The following CNTNAP2 variants were observed in gnomAD, a reference collection of about 807,000 sequenced individuals.
The protein encoded by CNTNAP2 is contactin associated protein 2, also known as contactin-associated protein-like 2.
Under a neutral mutation model 155.2 loss-of-function variants are expected in CNTNAP2, and 98 were observed. The observed-to-expected ratio is 0.63, with a 90% CI of 0.54 to 0.75. The LOEUF is 0.75. Among genes scored for constraint, CNTNAP2 ranks in the 30% least tolerant of loss-of-function variants. The probability of loss-of-function intolerance (pLI) is 0.00; values close to 1 mark genes in which losing one functional copy is unlikely to be tolerated. For missense variants in CNTNAP2, 1,727 were observed against 1,688.1 expected (o/e 1.02, Z -0.40); for synonymous variants, 651 against 631.2 (o/e 1.03, Z -0.47).
intron 21 of CNTNAP2, among the ~76,000 whole-genome samples, chr7:148,335,250 C>T (rs1309087197): frequency 6.6e-6 from 1 of 152,176 alleles, no homozygotes; most frequent in Non-Finnish European, 1.5e-5. Flanking sequence ...GGTCTCCTCT[C>T]TAATACCTCA....
intron 14 of CNTNAP2, among the ~76,000 whole-genome samples, chr7:147,910,722 A>G (rs1017053375): frequency 2.2e-4 from 33 of 152,130 alleles, no homozygotes; most frequent in African/African-American, 7.7e-4. Flanking sequence ...TTATAAAACC[A>G]TCAGATCTCA....
chr7:147,955,449 T>C (rs374278897), intron 14 of CNTNAP2, among the ~76,000 whole-genome samples: 13 of 152,280 alleles, frequency 8.5e-5, no homozygotes, highest in East Asian at 1.9e-4. Flanking sequence ...GTTGTTCCAT[T>C]ACACACCCAT....
chr7:146,694,784 A>G (rs908000296), intron 1 of CNTNAP2, among the ~76,000 whole-genome samples: 13 of 152,014 alleles, frequency 8.6e-5, no homozygotes, highest in Non-Finnish European at 4.4e-5. Flanking sequence ...ACATTTTGCA[A>G]CTTTTCTCAT....
chr7:146,436,117 C>T (rs1796239437), intron 1 of CNTNAP2, among the ~76,000 whole-genome samples: 1 of 152,064 alleles, frequency 6.6e-6, no homozygotes, highest in African/African-American at 2.4e-5. Context: ...ATAGAAAATA[C>T]TGTTAATTAC....
chr7:146,638,022 C>G (rs1160253307), intron 1 of CNTNAP2, among the ~76,000 whole-genome samples: 1 of 152,098 alleles, frequency 6.6e-6, no homozygotes, highest in Non-Finnish European at 1.5e-5. Flanking sequence ...ATATGTGCAC[C>G]TGTTGCAGTA....
chr7:148,081,789 A>AT (rs1803609870), intron 15 of CNTNAP2, among the ~76,000 whole-genome samples: 2 of 151,924 alleles, frequency 1.3e-5, no homozygotes, highest in Non-Finnish European at 2.9e-5. Context: ...GGGGGTAGTA[A>AT]TTTTTCCCGA....
At chr7:147,587,334 T>TA (rs893856063) in intron 12 of CNTNAP2, among the ~76,000 whole-genome samples, 1 of 152,234 alleles carries the variant, frequency 6.6e-6, no homozygotes, top group Non-Finnish European at 1.5e-5. Context: ...AGAGAAATGT[T>TA]ACACCTGTGT....
At chr7:148,136,131 G>GA (rs1159732651) in intron 16 of CNTNAP2, among the ~76,000 whole-genome samples, 1 of 135,760 alleles carries the variant, frequency 7.4e-6, no homozygotes, top group Non-Finnish European at 1.6e-5. Flanking sequence ...GGAAGGGAGG[G>GA]AGGGAGGAAG....
intron 15 of CNTNAP2, among the ~76,000 whole-genome samples, chr7:148,007,483 G>A (rs2116900888): frequency 6.6e-6 from 1 of 152,264 alleles, no homozygotes; most frequent in Non-Finnish European, 1.5e-5. Flanking sequence ...ACTTCTGGCT[G>A]AAAATAATAT....
At chr7:148,095,926 A>G (rs1394564499) in intron 15 of CNTNAP2, among the ~76,000 whole-genome samples, 1 of 152,162 alleles carries the variant, frequency 6.6e-6, no homozygotes, top group Non-Finnish European at 1.5e-5. Flanking sequence ...GCAGGAGAAA[A>G]GTTTCCCATG....
At chr7:146,497,295 A>G (rs1797232746) in intron 1 of CNTNAP2, among the ~76,000 whole-genome samples, 1 of 152,150 alleles carries the variant, frequency 6.6e-6, no homozygotes. Context: ...AACATTTACT[A>G]GTTTTCTGAT....
chr7:146,725,261 T>C (rs1006284704), intron 1 of CNTNAP2, among the ~76,000 whole-genome samples: 1 of 152,178 alleles, frequency 6.6e-6, no homozygotes, highest in Non-Finnish European at 1.5e-5. Context: ...ACAAAGACCC[T>C]ATTTCCACAC....
At chr7:148,104,093 C>T (rs1054866238) in intron 15 of CNTNAP2, among the ~76,000 whole-genome samples, 2 of 152,130 alleles carry the variant, frequency 1.3e-5, no homozygotes, top group East Asian at 3.9e-4. Context: ...TCTTAGAAGA[C>T]TGAATTCATT....
chr7:146,860,172 C>T lies in CNTNAP2; in HGVS notation c.402+20268C>T, dbSNP rs79259514. ...GAGTAATGGATATATATAGACTCCA[C>T]CATCATGACCCTCATGGAGATTAGA... On this transcript the variant is annotated intron_variant, in intron 3 of 23. Transcript: ENST00000361727. Among the ~76,000 whole-genome samples, 1,282 of 152,280 alleles carry T rather than the reference C, an allele frequency of 8.4e-3. 17 individuals are homozygous for T. Among genetic ancestry groups the T allele is most frequent in the African/African-American group, 0.027 (1,137 of 41,556 alleles).
chr7:146,735,799 T>C (rs566457107), intron 1 of CNTNAP2, among the ~76,000 whole-genome samples: 1 of 140,816 alleles, frequency 7.1e-6, no homozygotes, highest in Non-Finnish European at 1.5e-5. Context: ...AGACGTAAAA[T>C]TTTAGCTAGA....
chr7:146,144,791 A>T (rs961621751), intron 1 of CNTNAP2, among the ~76,000 whole-genome samples: 1 of 152,074 alleles, frequency 6.6e-6, no homozygotes, highest in African/African-American at 2.4e-5. Context: ...TGTACAACTA[A>T]TTTTTTCTTT....
chr7:146,129,124 G>C (rs963366450), intron 1 of CNTNAP2, among the ~76,000 whole-genome samples: 1 of 151,954 alleles, frequency 6.6e-6, no homozygotes, highest in Admixed American at 6.6e-5. Flanking sequence ...TGATAAAATA[G>C]GTAATTATTA....
At chr7:147,612,979 G>T (rs1376984927) in intron 12 of CNTNAP2, among the ~76,000 whole-genome samples, 6 of 151,724 alleles carry the variant, frequency 4.0e-5, no homozygotes, top group Non-Finnish European at 1.5e-5. Context: ...ATTTACTATT[G>T]CAAACAATAT....
At chr7:146,841,882 G>A (rs932496970) in intron 3 of CNTNAP2, among the ~76,000 whole-genome samples, 2 of 140,794 alleles carry the variant, frequency 1.4e-5, no homozygotes, top group South Asian at 4.6e-4. Context: ...AGCTTGTCTT[G>A]GAGTCTTTTT....
Sources: allele counts gnomAD v4.1 joint callset (sites outside exome capture counted in the v4.1 genomes callset), GRCh38; gene constraint gnomAD v4.1.1; transcripts MANE v1.5; gene names NCBI Gene and HGNC (gene_info 2026-07-23, HGNC 2026-07-21).